BNC2: variants seen among roughly 807,000 people sequenced by gnomAD.
The protein encoded by BNC2 is basonuclin zinc finger protein 2.
In BNC2, 20 loss-of-function variants were observed where a neutral mutation model predicts 76.3. The observed-to-expected ratio is 0.26, with a 90% CI of 0.18 to 0.38. The LOEUF is 0.38. Among genes scored for constraint, BNC2 ranks in the 10% least tolerant of loss-of-function variants. The pLI, the probability that BNC2 is intolerant of heterozygous loss-of-function variation, is 1.00. For synonymous variants in BNC2, 582 were observed against 514.8 expected, an observed-to-expected ratio of 1.13 and a Z score of -1.77; for missense variants, 1,382 against 1,399.8, an observed-to-expected ratio of 0.99 and a Z score of 0.20.
intron 3 of BNC2, among the ~76,000 whole-genome samples, chr9:16,696,251 G>A (rs1048645622): frequency 6.6e-6 from 1 of 152,074 alleles, no homozygotes; most frequent in African/African-American, 2.4e-5. Context: ...GTTCTTTCCA[G>A]GCCCTCTACA....
intron 3 of BNC2, among the ~76,000 whole-genome samples, chr9:16,628,263 C>T (rs964390853): frequency 1.3e-5 from 2 of 152,186 alleles, no homozygotes; most frequent in Admixed American, 6.5e-5. Context: ...GTGTGTCTGC[C>T]TTCTCAGGGC....
At chr9:16,470,240 G>T (rs1435326058) in intron 5 of BNC2, among the ~76,000 whole-genome samples, 2 of 151,886 alleles carry the variant, frequency 1.3e-5, no homozygotes, top group South Asian at 4.2e-4. Context: ...CTCATGATCC[G>T]CCCACCTCGG....
At chr9:16,575,832 C>T (rs1229018195) in intron 4 of BNC2, among the ~76,000 whole-genome samples, 1 of 152,194 alleles carries the variant, frequency 6.6e-6, no homozygotes, top group Non-Finnish European at 1.5e-5. Context: ...AACTAGGAGG[C>T]AGCTAAAAGC....
chr9:16,717,173 T>C (rs1009461635), intron 3 of BNC2, among the ~76,000 whole-genome samples: 1 of 151,922 alleles, frequency 6.6e-6, no homozygotes, highest in Non-Finnish European at 1.5e-5. Context: ...TCCGCACCCC[T>C]TTCACACTTT....
intron 5 of BNC2, among the ~76,000 whole-genome samples, chr9:16,491,305 T>C (rs928216240): frequency 6.6e-6 from 1 of 152,160 alleles, no homozygotes; most frequent in Non-Finnish European, 1.5e-5. Context: ...GCTAATCAAG[T>C]AAGATCCTTC....
At chr9:16,795,068 C>T (rs1359914524) in intron 1 of BNC2, among the ~76,000 whole-genome samples, 1 of 152,214 alleles carries the variant, frequency 6.6e-6, no homozygotes, top group Non-Finnish European at 1.5e-5. Context: ...TCTCAACCTC[C>T]CTAGGCCTTT....
At chr9:16,469,361 G>C (rs1821769576) in intron 5 of BNC2, among the ~76,000 whole-genome samples, 1 of 152,188 alleles carries the variant, frequency 6.6e-6, no homozygotes, top group Non-Finnish European at 1.5e-5. Flanking sequence ...TCTCGAGATA[G>C]TGATGAAGCC....
At chr9:16,606,157 G>C (rs1820377891) in intron 3 of BNC2, among the ~76,000 whole-genome samples, 1 of 152,066 alleles carries the variant, frequency 6.6e-6, no homozygotes, top group African/African-American at 2.4e-5. Flanking sequence ...AGTAATTATA[G>C]TATTTATAAA....
At chr9:16,420,928 T>C (rs558042540) in intron 6 of BNC2, among the ~76,000 whole-genome samples, 23 of 152,266 alleles carry the variant, frequency 1.5e-4, no homozygotes. Context: ...TAAACTGACA[T>C]ATCTACAGAT....
At chr9:16,664,536 T>C (rs369624164) in intron 3 of BNC2, among the ~76,000 whole-genome samples, 1 of 152,132 alleles carries the variant, frequency 6.6e-6, no homozygotes, top group South Asian at 2.1e-4. Flanking sequence ...TCTGGCCTTG[T>C]AGGAAGCAAC....
rs544092631 is a variant in BNC2, at chr9:16,760,882, A to C, written c.4-22397T>G. On this transcript the variant is annotated intron_variant, in intron 1 of 6. Transcript: ENST00000380672. ...ATGAGTGCTGCAGCATTTCTTTAAA[A>C]AAAGAAAGAAAAAAGAAAAGTAGGT... Among the ~76,000 whole-genome samples, 44 of 152,302 alleles carry C rather than the reference A, an allele frequency of 2.9e-4. No homozygotes were observed. In the South Asian group the frequency reaches 8.9e-3, roughly 31 times the overall value.
chr9:16,472,413 T>G (rs867895479), intron 5 of BNC2, among the ~76,000 whole-genome samples: 1 of 152,230 alleles, frequency 6.6e-6, no homozygotes, highest in African/African-American at 2.4e-5. Context: ...AACTGAGATC[T>G]AAGCCTTCAA....
At chr9:16,427,553 C>T (rs1215739298) in intron 6 of BNC2, among the ~76,000 whole-genome samples, 1 of 152,206 alleles carries the variant, frequency 6.6e-6, no homozygotes, top group Non-Finnish European at 1.5e-5. Flanking sequence ...TGCTTCGTGT[C>T]TACCATTGAT....
At chr9:16,828,171 A>T (rs1252454544) in intron 1 of BNC2, among the ~76,000 whole-genome samples, 4 of 152,248 alleles carry the variant, frequency 2.6e-5, no homozygotes, top group African/African-American at 9.6e-5. Context: ...AAAATGTGAT[A>T]AAAATGGAGT....
At chr9:16,737,241 T>C (rs1471366020) in intron 2 of BNC2, among the ~76,000 whole-genome samples, 2 of 4,012 alleles carry the variant, frequency 5.0e-4, no homozygotes, top group South Asian at 3.2e-3. Flanking sequence ...ACCTGGCCTT[T>C]TTTTTTTTTT....
intron 5 of BNC2, among the ~76,000 whole-genome samples, chr9:16,501,069 T>G (rs1343486366): frequency 6.6e-6 from 1 of 152,218 alleles, no homozygotes; most frequent in African/African-American, 2.4e-5. Context: ...CTAAGTGATC[T>G]GCGTCTTAGT....
chr9:16,508,673 C>T (rs1822685911), intron 5 of BNC2, among the ~76,000 whole-genome samples: 1 of 152,076 alleles, frequency 6.6e-6, no homozygotes, highest in Admixed American at 6.6e-5. Context: ...GCCCAGAGGC[C>T]CAAATCCAAA....
intron 5 of BNC2, among the ~76,000 whole-genome samples, chr9:16,529,845 GT>G: frequency 6.6e-6 from 1 of 152,086 alleles, no homozygotes; most frequent in African/African-American, 2.4e-5. Flanking sequence ...TGAGGTTTTA[GT>G]TTTATTTTTT....
intron 2 of BNC2, among the ~76,000 whole-genome samples, chr9:16,731,063 T>A (rs746142530): frequency 2.0e-5 from 3 of 152,330 alleles, no homozygotes; most frequent in Non-Finnish European, 2.9e-5. Context: ...GACATTAGGA[T>A]AATTTCTATC....
Sources: allele counts gnomAD v4.1 joint callset (sites outside exome capture counted in the v4.1 genomes callset), GRCh38; gene constraint gnomAD v4.1.1; transcripts MANE v1.5; gene names NCBI Gene and HGNC (gene_info 2026-07-23, HGNC 2026-07-21).